IMMP2L: variants seen among roughly 807,000 people sequenced by gnomAD.
IMMP2L encodes inner mitochondrial membrane peptidase subunit 2, also known as mitochondrial inner membrane protease subunit 2.
IMMP2L carries 18 observed loss-of-function variants against 19.3 expected under a neutral mutation model. That is an observed-to-expected ratio of 0.93 (90% CI 0.64 to 1.38). IMMP2L has a LOEUF of 1.38. IMMP2L is among the 40% of genes most tolerant of loss of function. The pLI, the probability that IMMP2L is intolerant of heterozygous loss-of-function variation, is 0.00. For synonymous variants in IMMP2L, 76 were observed against 73.0 expected, an observed-to-expected ratio of 1.04 and a Z score of -0.21; for missense variants, 233 against 218.2, an observed-to-expected ratio of 1.07 and a Z score of -0.43.
chr7:111,466,784 A>AT (rs1479005394), intron 3 of IMMP2L, among the ~76,000 whole-genome samples: 11 of 152,132 alleles, frequency 7.2e-5, no homozygotes, highest in African/African-American at 2.7e-4. Context: ...ATGTACAGAC[A>AT]TTTTTTCCCT....
At chr7:111,296,074 C>T (rs1049302142) in intron 3 of IMMP2L, among the ~76,000 whole-genome samples, 1 of 149,794 alleles carries the variant, frequency 6.7e-6, no homozygotes, top group African/African-American at 2.4e-5. Context: ...CTTAAAAATA[C>T]ATCATTTAAA....
chr7:111,062,054 C>G (rs1443625432), intron 3 of IMMP2L, among the ~76,000 whole-genome samples: 1 of 152,200 alleles, frequency 6.6e-6, no homozygotes, highest in African/African-American at 2.4e-5. Context: ...AGCACCCTTT[C>G]TTTTCCTTAA....
In IMMP2L at chr7:111,107,417, C is replaced by G. The variant is rs558017530; in HGVS notation, c.240-143852G>C. 2.0e-5 allele frequency among the ~76,000 whole-genome samples: 3 copies of G among 152,118 alleles called. No homozygotes were observed. The South Asian group carries it at 6.2e-4, about 32-fold the overall frequency. On this transcript the variant is annotated intron_variant, in intron 3 of 5. Coordinates refer to ENST00000405709, the MANE Select transcript of IMMP2L (RefSeq NM_032549.4). Reference sequence around the variant, plus strand: ...ACAGGGGAATATGGGCAGTTTCAACCTCTTACCACCTTTGTCTCTAAAAAG... The same window carrying G: ...ACAGGGGAATATGGGCAGTTTCAACGTCTTACCACCTTTGTCTCTAAAAAG...
intron 3 of IMMP2L, among the ~76,000 whole-genome samples, chr7:111,454,727 C>T (rs1490426638): frequency 1.3e-5 from 2 of 151,536 alleles, no homozygotes. Flanking sequence ...AGTTTTAAAG[C>T]TTTTTTTTAA....
intron 3 of IMMP2L, among the ~76,000 whole-genome samples, chr7:111,328,222 G>T (rs184691586): frequency 6.6e-6 from 1 of 151,732 alleles, no homozygotes; most frequent in East Asian, 1.9e-4. Context: ...ATACAGCTGG[G>T]GTTCTTTTCC....
At chr7:111,076,476 T>C (rs977088803) in intron 3 of IMMP2L, among the ~76,000 whole-genome samples, 3 of 152,206 alleles carry the variant, frequency 2.0e-5, no homozygotes, top group Non-Finnish European at 2.9e-5. Context: ...AGCCTGATAG[T>C]TCTTTGTAGC....
intron 3 of IMMP2L, chr7:111,124,950 A>C: frequency 7.9e-7 from 1 of 1,260,012 alleles, no homozygotes; most frequent in Non-Finnish European, 1.1e-6. Flanking sequence ...AAAAAAGCGA[A>C]AGACTGCAGT....
chr7:111,499,741 G>A (rs1464233433), intron 2 of IMMP2L, among the ~76,000 whole-genome samples: 1 of 152,116 alleles, frequency 6.6e-6, no homozygotes. Flanking sequence ...CTGTTCTCTG[G>A]AATGGTTCCC....
rs1814651969 is a variant in IMMP2L at position 110,924,612 on chromosome 7, A to C, written c.306-37917T>G. On this transcript the variant is annotated intron_variant, in intron 4 of 5. Transcript: ENST00000405709. This position sits in a 1 kb window ranked among gnomAD's most constrained non-coding sequence, Gnocchi z 4.2. The stretch of plus-strand genomic sequence containing the variant: ...ACAGGATTCTCAAGTTAGAGAAAAA[A>C]TAAGTAGATAATTGGATGTCTAATT... 6.6e-6 allele frequency among the ~76,000 whole-genome samples: 1 copy of C among 152,192 alleles called. No individual in the cohort carries two copies. The highest frequency in any genetic ancestry group is 2.4e-5 in the African/African-American group (1 of 41,452).
intron 3 of IMMP2L, among the ~76,000 whole-genome samples, chr7:111,433,453 A>C (rs1410264255): frequency 6.6e-6 from 1 of 151,780 alleles, no homozygotes; most frequent in African/African-American, 2.4e-5. Flanking sequence ...GATGAGGAAG[A>C]CATGAAAGCA....
At chr7:110,961,923 T>C (rs1349701633) in intron 4 of IMMP2L, among the ~76,000 whole-genome samples, 3 of 151,856 alleles carry the variant, frequency 2.0e-5, no homozygotes, top group Non-Finnish European at 2.9e-5. Context: ...AAGTAGGAGT[T>C]TAATGCAAAT....
intron 3 of IMMP2L, among the ~76,000 whole-genome samples, chr7:111,134,025 T>C (rs1433915368): frequency 6.6e-6 from 1 of 152,110 alleles, no homozygotes; most frequent in Admixed American, 6.6e-5. Context: ...GCCTAAGTAT[T>C]CTGGGTAATT....
At chr7:111,385,977 A>G (rs751827997) in intron 3 of IMMP2L, among the ~76,000 whole-genome samples, 9 of 151,774 alleles carry the variant, frequency 5.9e-5, no homozygotes, top group Non-Finnish European at 1.0e-4. Flanking sequence ...TGGACTGTGC[A>G]GCCTCCAACT....
At chr7:111,394,820 A>G (rs954427209) in intron 3 of IMMP2L, 4 of 219,120 alleles carry the variant, frequency 1.8e-5, no homozygotes, top group African/African-American at 4.6e-5. Context: ...TATTTTTTGT[A>G]TATTTGTAAA....
chr7:111,182,344 G>C (rs57817514), intron 3 of IMMP2L, among the ~76,000 whole-genome samples: 8,711 of 151,908 alleles, frequency 0.057, 513 homozygotes, highest in African/African-American at 0.14. Flanking sequence ...TTGGTCCTAT[G>C]AAAACTAAGA....
chr7:111,124,710 C>G, intron 3 of IMMP2L: 3 of 1,613,878 alleles, frequency 1.9e-6, no homozygotes, highest in Non-Finnish European at 2.5e-6. Flanking sequence ...TATGTCTTAT[C>G]AGCTGCCTCT....
rs775689993 is a variant in IMMP2L at position 110,963,471 on chromosome 7, T to C, written c.305+29A>G. 3.5e-5 allele frequency: 52 copies of C among 1,491,640 alleles called. 1 individual carries two copies. The South Asian group carries it at 5.7e-4, about 16-fold the overall frequency. 92.4% of individuals were successfully genotyped at this position (1,491,640 alleles called of 1,614,324 possible). ...AACAGAACTCTAGATATTTAAAACTTGAACTCAGAAACAACAGTAAATACT... is the reference window on the plus strand; with the variant it reads ...AACAGAACTCTAGATATTTAAAACTCGAACTCAGAAACAACAGTAAATACT... On this transcript the variant is annotated intron_variant, in intron 4 of 5. Transcript: ENST00000405709.
At chr7:111,243,535 C>A (rs1355685072) in intron 3 of IMMP2L, among the ~76,000 whole-genome samples, 1 of 136,488 alleles carries the variant, frequency 7.3e-6, no homozygotes, top group South Asian at 2.3e-4. Context: ...TTTTATTATA[C>A]TCTAAGTTTT....
rs189623087 is a variant in IMMP2L, at chr7:111,138,387, C to T, written c.240-174822G>A. On this transcript the variant is annotated intron_variant, in intron 3 of 5. Coordinates refer to ENST00000405709, the MANE Select transcript of IMMP2L (RefSeq NM_032549.4). ...CTCACTTTGTCCAATGACGTGGCAG[C>T]CCTCCAGCACTGGCATTTCCTGCCC... 5.1e-4 allele frequency among the ~76,000 whole-genome samples: 77 copies of T among 152,258 alleles called. 1 individual carries two copies. In the East Asian group the frequency reaches 0.014, roughly 27 times the overall value.
Sources: allele counts gnomAD v4.1 joint callset (sites outside exome capture counted in the v4.1 genomes callset), GRCh38; gene constraint gnomAD v4.1.1; non-coding constraint Gnocchi (gnomAD v3.1); transcripts MANE v1.5; gene names NCBI Gene and HGNC (gene_info 2026-07-23, HGNC 2026-07-21).